The following OTUD7A variants were observed in gnomAD, a reference collection of about 807,000 sequenced individuals.
OTUD7A encodes the protein OTU deubiquitinase 7A.
Under a neutral mutation model 65.7 loss-of-function variants are expected in OTUD7A, and 12 were observed. The observed-to-expected ratio is 0.18, with a 90% CI of 0.12 to 0.30. The LOEUF is 0.30. Among genes scored for constraint, OTUD7A ranks in the 10% least tolerant of loss-of-function variants. The probability of loss-of-function intolerance (pLI) is 1.00; values close to 1 mark genes in which losing one functional copy is unlikely to be tolerated. For missense variants in OTUD7A, 1,148 were observed against 1,304.8 expected, an observed-to-expected ratio of 0.88 and a Z score of 1.85; for synonymous variants, 641 against 586.3, an observed-to-expected ratio of 1.09 and a Z score of -1.35.
At chr15:31,760,190 T>C (rs1390202850) in intron 1 of OTUD7A, among the ~76,000 whole-genome samples, 1 of 152,182 alleles carries the variant, frequency 6.6e-6, no homozygotes, top group Non-Finnish European at 1.5e-5. Context: ...TGTACCCTCA[T>C]CCTTCATCCT....
intron 3 of OTUD7A, among the ~76,000 whole-genome samples, chr15:31,619,080 G>A (rs1161711568): frequency 1.3e-5 from 2 of 152,150 alleles, no homozygotes; most frequent in Admixed American, 6.5e-5. Context: ...AGATCAGATG[G>A]TTGTAGATGT....
At chr15:31,572,956 A>G (rs898997533) in intron 3 of OTUD7A, among the ~76,000 whole-genome samples, 2 of 151,502 alleles carry the variant, frequency 1.3e-5, no homozygotes, top group South Asian at 2.1e-4. Context: ...AATGGAAAGG[A>G]AAAAAAAAGA....
rs578041169 is a variant in OTUD7A, at chr15:31,621,435, A to G, written c.151+33661T>C. Among the ~76,000 whole-genome samples, 285 of 152,266 alleles carry G rather than the reference A, an allele frequency of 1.9e-3. 1 individual carries two copies. The highest frequency in any genetic ancestry group is 6.4e-3 in the African/African-American group (266 of 41,548). On this transcript the variant is annotated intron_variant, in intron 3 of 12. Coordinates refer to ENST00000307050, the MANE Select transcript of OTUD7A (RefSeq NM_001382637.1). ...TTGTAGGTCTCTAAGGACTTGCTTT[A>G]TGAATCTGGGTGCTCCTGTATTGGG...
chr15:31,733,300 C>T (rs1224160519), intron 1 of OTUD7A, among the ~76,000 whole-genome samples: 1 of 152,240 alleles, frequency 6.6e-6, no homozygotes, highest in Non-Finnish European at 1.5e-5. Flanking sequence ...TTGGTCAACT[C>T]TGGCTCTTTC....
chr15:31,608,805 G>A (rs1474958354), intron 3 of OTUD7A, among the ~76,000 whole-genome samples: 2 of 152,176 alleles, frequency 1.3e-5, no homozygotes, highest in Admixed American at 6.5e-5. Context: ...GCGGAGGCTC[G>A]CATCATGAAT....
At chr15:31,639,242 A>G (rs142916569) in intron 3 of OTUD7A, among the ~76,000 whole-genome samples, 84 of 152,194 alleles carry the variant, frequency 5.5e-4, no homozygotes, top group Non-Finnish European at 1.0e-3. Flanking sequence ...TAGACTTTAC[A>G]TAAGTGGAAT....
intron 1 of OTUD7A, among the ~76,000 whole-genome samples, chr15:31,813,518 A>G (rs754156011): frequency 2.6e-5 from 4 of 152,054 alleles, no homozygotes; most frequent in Non-Finnish European, 5.9e-5. Flanking sequence ...TGTGTGGGGG[A>G]GGTCAGGGGT....
At chr15:31,804,308 T>G (rs955345571) in intron 1 of OTUD7A, among the ~76,000 whole-genome samples, 2 of 152,200 alleles carry the variant, frequency 1.3e-5, no homozygotes, top group African/African-American at 4.8e-5. Context: ...GGACGCAACC[T>G]TAAAACCACA....
intron 12 of OTUD7A, among the ~76,000 whole-genome samples, chr15:31,485,155 C>T (rs923464505): frequency 6.6e-6 from 1 of 152,118 alleles, no homozygotes; most frequent in East Asian, 1.9e-4. Flanking sequence ...CTGGCAAGGC[C>T]GCCTGCTTGA....
intron 2 of OTUD7A, among the ~76,000 whole-genome samples, chr15:31,655,604 A>G (rs1389485502): frequency 6.6e-6 from 1 of 152,132 alleles, no homozygotes; most frequent in Non-Finnish European, 1.5e-5. Flanking sequence ...CTAGACACCA[A>G]ATCTGCTGGT....
At chr15:31,593,926 C>A (rs1889829750) in intron 3 of OTUD7A, among the ~76,000 whole-genome samples, 1 of 152,128 alleles carries the variant, frequency 6.6e-6, no homozygotes, top group African/African-American at 2.4e-5. Flanking sequence ...CTGCAGAAAG[C>A]CAGAGTTAAC....
Position 31,614,673 on chromosome 15 carries a change from T to C in OTUD7A, c.151+40423A>G, listed in dbSNP as rs764188971. 1.2e-4 allele frequency among the ~76,000 whole-genome samples: 18 copies of C among 152,076 alleles called. 1 individual carries two copies. The highest frequency in any genetic ancestry group is 7.2e-4 in the Admixed American group (11 of 15,262). On this transcript the variant is annotated intron_variant, in intron 3 of 12. Transcript: ENST00000307050. ...CACTTATCACCAGGGGACCACACTA[T>C]AGAAAATACTAAAAGGTGTTCTTTA...
chr15:31,568,562 T>C (rs1431145138), intron 4 of OTUD7A, among the ~76,000 whole-genome samples: 1 of 152,228 alleles, frequency 6.6e-6, no homozygotes, highest in African/African-American at 2.4e-5. Context: ...GGCATGATTG[T>C]ATTTTGCAAT....
intron 1 of OTUD7A, among the ~76,000 whole-genome samples, chr15:31,723,398 C>A (rs1216223166): frequency 1.3e-4 from 15 of 111,132 alleles, no homozygotes; most frequent in Non-Finnish European, 2.6e-4. Context: ...CACGCCACCC[C>A]CCCCCCCCCG....
At chr15:31,740,387 C>T (rs777642145) in intron 1 of OTUD7A, among the ~76,000 whole-genome samples, 18 of 150,038 alleles carry the variant, frequency 1.2e-4, no homozygotes, top group African/African-American at 4.2e-4. Flanking sequence ...CTAGAGCTCA[C>T]ATGTGATGGG....
chr15:31,564,139 C>A (rs1888786754), intron 4 of OTUD7A, among the ~76,000 whole-genome samples: 1 of 152,078 alleles, frequency 6.6e-6, no homozygotes. Flanking sequence ...ACTAATAATG[C>A]ATTCATGTGC....
intron 2 of OTUD7A, 55 bp from the exon 3 acceptor site, chr15:31,655,305 G>C (rs1891958363): frequency 2.6e-6 from 2 of 762,002 alleles, no homozygotes; most frequent in Admixed American, 5.7e-5. Context: ...GGAGCTGCAA[G>C]TGACAACTAC....
chr15:31,669,638 G>C lies in OTUD7A; in HGVS notation c.-99-12561C>G, dbSNP rs190895102. On this transcript the variant is annotated intron_variant, in intron 1 of 12. Transcript: ENST00000307050. Reference sequence around the variant, plus strand: ...TGTGGAGAGTCTGCAGGACAGATTCGCACCCTCCCCTGAGTTCTGGCAAAG... The same window carrying C: ...TGTGGAGAGTCTGCAGGACAGATTCCCACCCTCCCCTGAGTTCTGGCAAAG... 3.3e-3 allele frequency among the ~76,000 whole-genome samples: 508 copies of C among 152,274 alleles called. 3 individuals are homozygous for C. The highest frequency in any genetic ancestry group is 0.012 in the African/African-American group (490 of 41,546).
intron 1 of OTUD7A, among the ~76,000 whole-genome samples, chr15:31,744,589 C>A (rs1243583747): frequency 1.3e-5 from 2 of 152,000 alleles, no homozygotes; most frequent in East Asian, 3.9e-4. Flanking sequence ...AAAATTCTAT[C>A]CTTGAATCTT....
Sources: gnomAD v4.1 joint callset for allele counts (sites outside exome capture counted in the v4.1 genomes callset) on GRCh38, gnomAD v4.1.1 for gene constraint, MANE v1.5 for transcripts, NCBI Gene and HGNC (gene_info 2026-07-23, HGNC 2026-07-21) for gene names.